The following COL6A5 variants were observed in gnomAD, a reference collection of about 807,000 sequenced individuals.
The protein encoded by COL6A5 is collagen alpha-5(VI) chain.
A neutral mutation model predicts 65.6 loss-of-function variants in COL6A5; 48 were observed. The ratio of observed to expected loss-of-function variants is 0.73; its 90% CI spans 0.58 to 0.93. COL6A5 has a LOEUF of 0.93. Among genes scored for constraint, COL6A5 ranks in the 40% least tolerant of loss-of-function variants. The probability of loss-of-function intolerance (pLI) is 0.00; values close to 1 mark genes in which losing one functional copy is unlikely to be tolerated. For missense variants in COL6A5, 914 were observed against 928.3 expected, an observed-to-expected ratio of 0.98 and a Z score of 0.20; for synonymous variants, 291 against 322.8, an observed-to-expected ratio of 0.90 and a Z score of 1.05.
At chr3:130,380,195 C>A (rs1379229775) in intron 4 of COL6A5, 145 bp downstream of exon 4, 2 of 620,408 alleles carry the variant, frequency 3.2e-6, no homozygotes, top group South Asian at 3.0e-5. Context: ...TTGGTGATGC[C>A]CATACAACTT....
intron 1 of COL6A5, among the ~76,000 whole-genome samples, chr3:130,356,008 A>G (rs1934911754): frequency 6.6e-6 from 1 of 152,140 alleles, no homozygotes; most frequent in South Asian, 2.1e-4. Context: ...AAACTATATT[A>G]AATTGAGGTG....
exon 3 of COL6A5, chr3:130,440,674 T>C: frequency 6.2e-7 from 1 of 1,613,526 alleles, no homozygotes. Flanking sequence ...ACGTCATATT[T>C]GTGATTTCTC....
chr3:130,471,017 C>T (rs1310403845), intron 7 of COL6A5, 50 bp downstream of exon 39: 1 of 1,271,772 alleles, frequency 7.9e-7, no homozygotes, highest in Non-Finnish European at 1.1e-6. Flanking sequence ...GGAAACAGTT[C>T]TTAAGAAAAC....
intron 7 of COL6A5, among the ~76,000 whole-genome samples, chr3:130,481,199 C>T (rs1710230220): frequency 6.6e-6 from 1 of 151,318 alleles, no homozygotes; most frequent in Non-Finnish European, 1.5e-5. Context: ...CTCCCTTTGC[C>T]CCCCACCCCC....
At chr3:130,411,782 C>T (rs1201022611) in intron 20 of COL6A5, among the ~76,000 whole-genome samples, 1 of 152,160 alleles carries the variant, frequency 6.6e-6, no homozygotes. Flanking sequence ...GGCAATAAAT[C>T]ATGGACAAAC....
intron 1 of COL6A5, among the ~76,000 whole-genome samples, chr3:130,371,375 C>T (rs1299649345): frequency 2.6e-5 from 4 of 151,722 alleles, no homozygotes; most frequent in Admixed American, 2.6e-4. Flanking sequence ...CCAAAACAAC[C>T]TTGAAAAAGA....
chr3:130,371,483 G>A (rs1253445081), intron 1 of COL6A5, among the ~76,000 whole-genome samples: 2 of 152,062 alleles, frequency 1.3e-5, no homozygotes, highest in South Asian at 4.1e-4. Context: ...AAATATAGAT[G>A]AATAGAATAC....
At chr3:130,380,637 T>G (rs1220798468) in intron 4 of COL6A5, among the ~76,000 whole-genome samples, 1 of 152,182 alleles carries the variant, frequency 6.6e-6, no homozygotes, top group East Asian at 1.9e-4. Flanking sequence ...TACTGAGCAC[T>G]TGAAATGTGG....
intron 4 of COL6A5, among the ~76,000 whole-genome samples, chr3:130,452,581 A>C (rs559912033): frequency 2.6e-5 from 4 of 152,300 alleles, no homozygotes; most frequent in Admixed American, 1.3e-4. Context: ...CGTACTTCAC[A>C]AGGTAATAGA....
exon 4 of COL6A5, chr3:130,379,949 C>A (rs749500794): frequency 6.4e-7 from 1 of 1,551,186 alleles, no homozygotes; most frequent in African/African-American, 1.4e-5. Context: ...AAGTCCTATG[C>A]AGACTTAGAA....
At chr3:130,367,062 C>G (rs1935367582) in intron 1 of COL6A5, among the ~76,000 whole-genome samples, 1 of 152,160 alleles carries the variant, frequency 6.6e-6, no homozygotes, top group Non-Finnish European at 1.5e-5. Context: ...CATAAATTAT[C>G]TATAAGCAGC....
chr3:130,468,728 A>G (rs966520168), intron 5 of COL6A5, 67 bp from the exon 38 acceptor site: 7 of 1,099,972 alleles, frequency 6.4e-6, no homozygotes, highest in Non-Finnish European at 9.2e-6. Flanking sequence ...TGTATTTGCC[A>G]TCTATGACTA....
chr3:130,440,526 T>C, exon 3 of COL6A5: 1 of 1,613,696 alleles, frequency 6.2e-7, no homozygotes, highest in African/African-American at 1.3e-5. Context: ...CGTGCCCTAC[T>C]GTGGACCACT....
At chr3:130,355,253 A>G (rs1188953360) in intron 1 of COL6A5, among the ~76,000 whole-genome samples, 1 of 152,108 alleles carries the variant, frequency 6.6e-6, no homozygotes, top group South Asian at 2.1e-4. Flanking sequence ...CTGTGGTATT[A>G]TAATCACAAA....
chr3:130,367,375 G>T (rs180716908), intron 1 of COL6A5, among the ~76,000 whole-genome samples: 4 of 152,030 alleles, frequency 2.6e-5, no homozygotes, highest in Non-Finnish European at 5.9e-5. Flanking sequence ...TATTTTTGTC[G>T]ATTCCCTCAT....
At chr3:130,353,899 A>G (rs1182146290) in intron 1 of COL6A5, among the ~76,000 whole-genome samples, 3 of 152,036 alleles carry the variant, frequency 2.0e-5, no homozygotes, top group Non-Finnish European at 2.9e-5. Context: ...AAAAAGATTA[A>G]AATGTGAAAA....
exon 4 of COL6A5, chr3:130,379,755 A>C (rs1367320767): frequency 4.5e-6 from 7 of 1,551,492 alleles, no homozygotes; most frequent in East Asian, 4.9e-5. Context: ...GCAGAAGAGC[A>C]CAAGGAGTGC....
chr3:130,429,545 C>T (rs905619717), upstream of COL6A5: 3 of 1,541,148 alleles, frequency 1.9e-6, no homozygotes, highest in African/African-American at 2.8e-5. Flanking sequence ...AAGAAGGTAA[C>T]AAACTTTTCC....
Position 130,460,027 on chromosome 3 carries a change from G to C in COL6A5, c.1544+4361G>C, listed in dbSNP as rs558117433. ...CCATTTACTTTTTTTTGAATACTTG[G>C]ATTCCTTCTCAATTTTGCTGTCATG... On this transcript the variant is annotated intron_variant, in intron 5 of 7. Coordinates refer to ENST00000512836, the Ensembl canonical transcript of COL6A5. 1.6e-4 allele frequency among the ~76,000 whole-genome samples: 24 copies of C among 151,870 alleles called. 2 individuals are homozygous for C. In the South Asian group the frequency reaches 5.0e-3, roughly 32 times the overall value.
Sources: gnomAD v4.1 joint callset for allele counts (sites outside exome capture counted in the v4.1 genomes callset) on GRCh38, gnomAD v4.1.1 for gene constraint, MANE v1.5 for transcripts, NCBI Gene and HGNC (gene_info 2026-07-23, HGNC 2026-07-21) for gene names.